Variants in FANK1 observed in about 807,000 individuals in gnomAD.
The protein encoded by FANK1 is fibronectin type III and ankyrin repeat domains 1, also known as fibronectin type 3 and ankyrin repeat domains protein 1.
FANK1 carries 44 observed loss-of-function variants against 45.3 expected under a neutral mutation model. That is an observed-to-expected ratio of 0.97 (90% CI 0.76 to 1.25). The LOEUF is 1.25. Among genes scored for constraint, FANK1 ranks in the 50% most tolerant of loss-of-function variants. The probability of loss-of-function intolerance (pLI) is 0.00; values close to 1 mark genes in which losing one functional copy is unlikely to be tolerated. For missense variants in FANK1, 391 were observed against 424.4 expected, an observed-to-expected ratio of 0.92 and a Z score of 0.69; for synonymous variants, 149 against 152.5, an observed-to-expected ratio of 0.98 and a Z score of 0.17.
chr10:125,918,052 C>T (rs1354055199), intron 1 of FANK1, among the ~76,000 whole-genome samples: 8 of 149,034 alleles, frequency 5.4e-5, no homozygotes, highest in African/African-American at 2.0e-4. Flanking sequence ...TGTACTCCAA[C>T]CTGGGCGACA....
At chr10:125,914,203 A>T (rs1484833808) in intron 1 of FANK1, among the ~76,000 whole-genome samples, 1 of 151,624 alleles carries the variant, frequency 6.6e-6, no homozygotes, top group Admixed American at 6.6e-5. Context: ...GATGGTCTTC[A>T]TTCCTCAATG....
chr10:125,928,359 G>A (rs547254192), intron 1 of FANK1, among the ~76,000 whole-genome samples: 37 of 151,906 alleles, frequency 2.4e-4, no homozygotes, highest in African/African-American at 8.5e-4. Context: ...GTAGCAGTGG[G>A]AGGAAGACCA....
chr10:125,924,619 A>G (rs1018996546), intron 1 of FANK1, among the ~76,000 whole-genome samples: 9 of 152,214 alleles, frequency 5.9e-5, no homozygotes, highest in African/African-American at 1.9e-4. Flanking sequence ...CCCAGCCTGG[A>G]CAACATGGTG....
chr10:125,970,940 C>A (rs534050728), intron 1 of FANK1, among the ~76,000 whole-genome samples: 1 of 152,234 alleles, frequency 6.6e-6, no homozygotes, highest in Non-Finnish European at 1.5e-5. Context: ...GTTATACATC[C>A]AGCATGGTTA....
chr10:125,923,409 T>C (rs193028567), intron 1 of FANK1, among the ~76,000 whole-genome samples: 2,183 of 151,992 alleles, frequency 0.014, 52 homozygotes, highest in African/African-American at 0.05. Context: ...TGCAGTGAGC[T>C]GTGATTGTGC....
chr10:126,007,662 T>G (rs907189284), intron 7 of FANK1, among the ~76,000 whole-genome samples: 2 of 149,560 alleles, frequency 1.3e-5, no homozygotes, highest in Admixed American at 1.3e-4. Context: ...TCATGTGTGC[T>G]TATGTGCACA....
intron 1 of FANK1, among the ~76,000 whole-genome samples, chr10:125,920,157 A>G (rs922812984): frequency 6.6e-6 from 1 of 152,196 alleles, no homozygotes; most frequent in Non-Finnish European, 1.5e-5. Context: ...GAGAACTGTC[A>G]AACATGAAAT....
rs552203108 is a variant in FANK1, at chr10:125,980,444, A to C, written c.191+106A>C. ...ACTGCTTGTTTCAAATTAAAGAATG[A>C]GTCAGCATCATTTGTATTCATGCTC... On this transcript the variant is annotated intron_variant, in intron 2 of 10. Coordinates refer to ENST00000368693, the MANE Select transcript of FANK1 (RefSeq NM_145235.5). The C allele has an allele frequency of 5.5e-6, 7 of 1,266,046 alleles. No individual in the cohort carries two copies. The African/African-American group carries it at 7.5e-5, about 14-fold the overall frequency. 78.4% of individuals were successfully genotyped at this position (1,266,046 alleles called of 1,614,324 possible).
At chr10:125,935,351 A>G (rs1002863858) in intron 1 of FANK1, among the ~76,000 whole-genome samples, 1 of 152,226 alleles carries the variant, frequency 6.6e-6, no homozygotes, top group Non-Finnish European at 1.5e-5. Flanking sequence ...CCTGGCATCC[A>G]GAAGCCTTAC....
intron 5 of FANK1, 144 bp from the exon 6 acceptor site, chr10:125,997,276 T>C (rs924104965): frequency 2.5e-5 from 13 of 523,302 alleles, no homozygotes; most frequent in Non-Finnish European, 3.9e-5. Context: ...TGCCTGGTTT[T>C]AAAACCAGCT....
intron 1 of FANK1, among the ~76,000 whole-genome samples, chr10:125,901,139 T>C (rs10128528): frequency 1.9e-4 from 27 of 143,994 alleles, no homozygotes; most frequent in Admixed American, 3.5e-4. Context: ...CTAAGGTATT[T>C]CAGTGACTAA....
chr10:126,009,080 G>A lies in FANK1; in HGVS notation c.876G>A (p.Glu292=), dbSNP rs746230497. 1.9e-6 allele frequency: 3 copies of A among 1,614,194 alleles called. No homozygotes were observed. The highest frequency in any genetic ancestry group is 3.3e-5 in the Admixed American group (2 of 60,024). The change falls in exon 9 of 11, where the codon GAG becomes GAA. Residue 292 remains glutamate (E), a synonymous_variant. Coordinates refer to ENST00000368693, the MANE Select transcript of FANK1 (RefSeq NM_145235.5). ...LMVAVLNNHE[E]LVQLLLDKGA... ...TGGCTGTGTTAAATAATCATGAAGA[G>A]TTAGTTCAGTTACTTCTTGACAAAG... is the stretch of plus-strand genomic sequence containing the variant.
chr10:125,939,626 T>G (rs1176325111), intron 1 of FANK1, among the ~76,000 whole-genome samples: 1 of 152,182 alleles, frequency 6.6e-6, no homozygotes, highest in African/African-American at 2.4e-5. Flanking sequence ...TCCCCGTATC[T>G]CTTTAAATTA....
chr10:125,920,400 C>T (rs1235902552), intron 1 of FANK1, among the ~76,000 whole-genome samples: 2 of 152,100 alleles, frequency 1.3e-5, no homozygotes, highest in Admixed American at 6.6e-5. Context: ...TTATATGGCT[C>T]ATCAGAATTC....
intron 6 of FANK1, among the ~76,000 whole-genome samples, chr10:126,002,556 G>T (rs962077298): frequency 1.3e-5 from 2 of 152,092 alleles, no homozygotes; most frequent in African/African-American, 4.8e-5. Context: ...ATCTCAGCTC[G>T]GCTGTGCCTT....
chr10:125,967,315 T>G (rs1950247663), intron 1 of FANK1, among the ~76,000 whole-genome samples: 1 of 152,182 alleles, frequency 6.6e-6, no homozygotes, highest in Non-Finnish European at 1.5e-5. Context: ...CCCGGCAAAT[T>G]ATGGGACCTC....
chr10:125,971,707 C>T (rs377026753), intron 1 of FANK1, among the ~76,000 whole-genome samples: 71 of 152,172 alleles, frequency 4.7e-4, no homozygotes, highest in Middle Eastern at 3.4e-3. Flanking sequence ...CTGCAAACTC[C>T]GCCTCCTGGG....
At chr10:125,914,229 G>A (rs200268950) in intron 1 of FANK1, among the ~76,000 whole-genome samples, 1 of 148,794 alleles carries the variant, frequency 6.7e-6, no homozygotes, top group African/African-American at 2.5e-5. Context: ...TTCTAAATTT[G>A]TATTACTTTT....
Position 125,934,200 on chromosome 10 carries a change from T to C in FANK1, c.13+37545T>C, listed in dbSNP as rs1321897276. On this transcript the variant is annotated intron_variant, in intron 1 of 10. Transcript: ENST00000368693. The stretch of plus-strand genomic sequence containing the variant: ...GTGGAAGAAAAACATATTAAAATTG[T>C]GCTGTATTTAAAGTTTCATAATAGA... Among the ~76,000 whole-genome samples the C allele has an allele frequency of 5.3e-5, 8 of 152,354 alleles. No homozygotes were observed. The East Asian group carries it at 1.3e-3, about 26-fold the overall frequency.
Sources: gnomAD v4.1 joint callset for allele counts (sites outside exome capture counted in the v4.1 genomes callset) on GRCh38, gnomAD v4.1.1 for gene constraint, MANE v1.5 for transcripts, NCBI Gene and HGNC (gene_info 2026-07-23, HGNC 2026-07-21) for gene names.